HS6ST3: variants seen among roughly 807,000 people sequenced by gnomAD.
HS6ST3 encodes heparan-sulfate 6-O-sulfotransferase 3.
HS6ST3 carries 12 observed loss-of-function variants against 36.7 expected under a neutral mutation model. The observed-to-expected ratio is 0.33, with a 90% CI of 0.21 to 0.53. The LOEUF is 0.53. Ranked by LOEUF, HS6ST3 falls within the 20% of genes least tolerant of loss-of-function variation. HS6ST3 has a pLI of 0.95. For missense variants in HS6ST3, 584 were observed against 640.9 expected (o/e 0.91, Z 0.96); for synonymous variants, 240 against 257.5 (o/e 0.93, Z 0.65).
chr13:96,600,989 G>A (rs78017559), intron 1 of HS6ST3, among the ~76,000 whole-genome samples: 206 of 152,178 alleles, frequency 1.4e-3, no homozygotes, highest in African/African-American at 4.9e-3. Flanking sequence ...ACTAAAGATA[G>A]GATCCCAACC....
At chr13:96,654,697 G>C (rs997119372) in intron 1 of HS6ST3, among the ~76,000 whole-genome samples, 2 of 152,000 alleles carry the variant, frequency 1.3e-5, no homozygotes, top group African/African-American at 4.8e-5. Flanking sequence ...CTGTGCCAAA[G>C]AAACACAGGA....
chr13:96,588,807 T>G (rs972939153), intron 1 of HS6ST3, among the ~76,000 whole-genome samples: 11 of 152,068 alleles, frequency 7.2e-5, no homozygotes, highest in Admixed American at 7.2e-4. Context: ...TCTGGCACTT[T>G]GGGAAGCCGA....
rs111823283 is a variant in HS6ST3 at position 96,703,481 on chromosome 13, C to T, written c.708-129009C>T. On this transcript the variant is annotated intron_variant, in intron 1 of 1. Coordinates refer to ENST00000376705, the MANE Select transcript of HS6ST3 (RefSeq NM_153456.4). ...ATCAGAGGCACTTAGCCTGATTGGG[C>T]GCTTGGTTTTTGTGCAGCATAAAAT... is the stretch of plus-strand genomic sequence containing the variant. Among the ~76,000 whole-genome samples the T allele has an allele frequency of 2.8e-3, 419 of 152,222 alleles. 4 individuals are homozygous for T. Among genetic ancestry groups the T allele is most frequent in the African/African-American group, 9.2e-3 (384 of 41,534 alleles).
chr13:96,595,278 C>T (rs1288647642), intron 1 of HS6ST3, among the ~76,000 whole-genome samples: 1 of 152,134 alleles, frequency 6.6e-6, no homozygotes, highest in African/African-American at 2.4e-5. Flanking sequence ...AACTCCTGGC[C>T]TCAAGTAATA....
chr13:96,404,182 A>G (rs2055465452), intron 1 of HS6ST3, among the ~76,000 whole-genome samples: 1 of 152,204 alleles, frequency 6.6e-6, no homozygotes, highest in African/African-American at 2.4e-5. Context: ...AGACTGGGGA[A>G]GTTATCCCCC....
chr13:96,264,433 A>G (rs1196418341), intron 1 of HS6ST3, among the ~76,000 whole-genome samples: 1 of 152,202 alleles, frequency 6.6e-6, no homozygotes, highest in Non-Finnish European at 1.5e-5. Context: ...GATTTCTAGG[A>G]AAGTGTTTTG....
At chr13:96,561,235 C>A (rs1039684516) in intron 1 of HS6ST3, among the ~76,000 whole-genome samples, 2 of 152,038 alleles carry the variant, frequency 1.3e-5, no homozygotes, top group Admixed American at 6.6e-5. Context: ...AAGCTACACA[C>A]CCACAGCCAT....
At chr13:96,466,056 G>A (rs912738884) in intron 1 of HS6ST3, among the ~76,000 whole-genome samples, 3 of 152,040 alleles carry the variant, frequency 2.0e-5, no homozygotes, top group Non-Finnish European at 4.4e-5. Flanking sequence ...GCTGAGGCGG[G>A]CAGATCATGA....
At chr13:96,820,881 T>G (rs997522877) in intron 1 of HS6ST3, among the ~76,000 whole-genome samples, 4 of 152,254 alleles carry the variant, frequency 2.6e-5, no homozygotes, top group Admixed American at 6.5e-5. Flanking sequence ...TTCTGAGTCT[T>G]CATAGCATTG....
chr13:96,091,396 A>G lies in HS6ST3; in HGVS notation c.534A>G (p.Lys178=), dbSNP rs759932824. 2.5e-6 allele frequency: 4 copies of G among 1,613,568 alleles called. No homozygotes were observed. In the African/African-American group the frequency reaches 5.3e-5, roughly 22 times the overall value. Residue 178 remains lysine (K), a synonymous_variant, in exon 1 of 2, where the codon AAA becomes AAG. Coordinates refer to ENST00000376705, the MANE Select transcript of HS6ST3 (RefSeq NM_153456.4). ...GGCTGGAGCAGCCTTGTAGCTGCAA[A>G]GCGGGTCAGAAGAAGTGCACCTGCC... The part of the protein sequence containing the change: ...NIRLEQPCSC[K]AGQKKCTCHR...
At chr13:96,282,418 G>A (rs2054780190) in intron 1 of HS6ST3, among the ~76,000 whole-genome samples, 2 of 152,120 alleles carry the variant, frequency 1.3e-5, no homozygotes, top group Non-Finnish European at 2.9e-5. Context: ...GATGTTTCAG[G>A]AGACACATCC....
intron 1 of HS6ST3, among the ~76,000 whole-genome samples, chr13:96,697,233 A>C (rs538248653): frequency 6.6e-6 from 1 of 151,944 alleles, no homozygotes; most frequent in Non-Finnish European, 1.5e-5. Context: ...CATATAAAAT[A>C]TATAAATGTG....
chr13:96,618,891 G>C (rs539742386), intron 1 of HS6ST3, among the ~76,000 whole-genome samples: 1 of 152,214 alleles, frequency 6.6e-6, no homozygotes, highest in South Asian at 2.1e-4. Flanking sequence ...AGTGCCAAGG[G>C]GGTTAATCTC....
intron 1 of HS6ST3, among the ~76,000 whole-genome samples, chr13:96,265,329 C>T (rs1288804482): frequency 6.6e-6 from 1 of 152,072 alleles, no homozygotes; most frequent in African/African-American, 2.4e-5. Context: ...CACGTAACAC[C>T]ATGCCCAGCT....
chr13:96,696,211 C>G (rs1875123405), intron 1 of HS6ST3, among the ~76,000 whole-genome samples: 1 of 152,202 alleles, frequency 6.6e-6, no homozygotes, highest in Admixed American at 6.5e-5. Context: ...CTGGCATGGG[C>G]TGCAGTTGCA....
chr13:96,578,220 A>G (rs569111614), intron 1 of HS6ST3, among the ~76,000 whole-genome samples: 1 of 152,350 alleles, frequency 6.6e-6, no homozygotes, highest in African/African-American at 2.4e-5. Context: ...ATTTGGCTCC[A>G]TGAGGAATGA....
intron 1 of HS6ST3, among the ~76,000 whole-genome samples, chr13:96,670,209 G>T (rs918696177): frequency 6.6e-6 from 1 of 152,140 alleles, no homozygotes; most frequent in Admixed American, 6.6e-5. Flanking sequence ...CAGAAGATGG[G>T]AGTGGCTAGC....
At chr13:96,576,218 G>A (rs2138965377) in intron 1 of HS6ST3, among the ~76,000 whole-genome samples, 1 of 152,216 alleles carries the variant, frequency 6.6e-6, no homozygotes, top group East Asian at 1.9e-4. Context: ...GAGAGGACCT[G>A]GGATGTGCAA....
intron 1 of HS6ST3, among the ~76,000 whole-genome samples, chr13:96,352,454 C>T (rs1352067947): frequency 6.6e-6 from 1 of 152,212 alleles, no homozygotes; most frequent in African/African-American, 2.4e-5. Context: ...ACTCAAGTGT[C>T]TTTACAGCAT....
Sources: gnomAD v4.1 joint callset for allele counts (sites outside exome capture counted in the v4.1 genomes callset) on GRCh38, gnomAD v4.1.1 for gene constraint, MANE v1.5 for transcripts, NCBI Gene and HGNC (gene_info 2026-07-23, HGNC 2026-07-21) for gene names.